VKORC1L1: variants seen among roughly 807,000 people sequenced by gnomAD.
VKORC1L1 encodes vitamin K epoxide reductase complex subunit 1L1.
A neutral mutation model predicts 18.9 loss-of-function variants in VKORC1L1; 2 were observed. That is an observed-to-expected ratio of 0.11 (90% CI 0.04 to 0.33). The LOEUF (loss-of-function observed/expected upper bound fraction) is 0.33. Among genes scored for constraint, VKORC1L1 ranks in the 10% least tolerant of loss-of-function variants. The probability of loss-of-function intolerance (pLI) is 1.00; values close to 1 mark genes in which losing one functional copy is unlikely to be tolerated. For missense variants in VKORC1L1, 123 were observed against 224.1 expected (o/e 0.55, Z 2.88); for synonymous variants, 96 against 100.0 (o/e 0.96, Z 0.24).
upstream of VKORC1L1, among the ~76,000 whole-genome samples, chr7:65,871,885 T>C (rs575267312): frequency 3.9e-5 from 6 of 152,158 alleles, 1 homozygote; most frequent in Admixed American, 3.9e-4. Flanking sequence ...GAAAAAAAAG[T>C]TTATTGTTTA....
chr7:65,942,483 C>G (rs1281438686), intron 1 of VKORC1L1, among the ~76,000 whole-genome samples: 1 of 132,862 alleles, frequency 7.5e-6, no homozygotes, highest in Admixed American at 7.9e-5. Flanking sequence ...CAGAGCGAGA[C>G]TCCATCTCAA....
At chr7:65,892,584 G>C (rs534568196) in intron 1 of VKORC1L1, among the ~76,000 whole-genome samples, 3 of 152,264 alleles carry the variant, frequency 2.0e-5, no homozygotes, top group African/African-American at 7.2e-5. Flanking sequence ...CTGGTGTGAA[G>C]ATAATCTACA....
intron 1 of VKORC1L1, among the ~76,000 whole-genome samples, chr7:65,921,358 TC>T (rs1374440282): frequency 6.6e-6 from 1 of 152,120 alleles, no homozygotes; most frequent in Non-Finnish European, 1.5e-5. Flanking sequence ...TTATTCCATT[TC>T]CCCCCACTGT....
chr7:65,940,227 G>T (rs1325996091), intron 1 of VKORC1L1, among the ~76,000 whole-genome samples: 1 of 152,010 alleles, frequency 6.6e-6, no homozygotes, highest in Non-Finnish European at 1.5e-5. Context: ...GTCTCACCAT[G>T]TTGCCCAGGC....
At chr7:65,877,457 C>T (rs1017500328) in intron 1 of VKORC1L1, among the ~76,000 whole-genome samples, 1 of 152,000 alleles carries the variant, frequency 6.6e-6, no homozygotes, top group Non-Finnish European at 1.5e-5. Flanking sequence ...AAGCGATTCT[C>T]CTACCTCAGC....
chr7:65,892,715 T>A (rs1789128596), intron 1 of VKORC1L1, among the ~76,000 whole-genome samples: 1 of 152,212 alleles, frequency 6.6e-6, no homozygotes, highest in Non-Finnish European at 1.5e-5. Flanking sequence ...ATGATGATGA[T>A]GTTTAGTTCC....
intron 1 of VKORC1L1, among the ~76,000 whole-genome samples, chr7:65,931,572 T>A (rs1326292342): frequency 6.6e-6 from 1 of 152,196 alleles, no homozygotes; most frequent in African/African-American, 2.4e-5. Context: ...CTGATATTAA[T>A]ACTTTGTATC....
At position 65,959,484 on chromosome 7, in the gene VKORC1L1, C is replaced by G. The variant is rs1790362264; in HGVS notation, c.*5184C>G. ...AGTTGATAAAAAAAATACAGAAGCT[C>G]TAGATTCCTAATTGGAACTGACTAC... On this transcript the variant is annotated 3_prime_UTR_variant, in exon 3 of 3. Transcript: ENST00000360768. The G allele has an allele frequency of 6.6e-6, 1 of 152,244 alleles. No homozygotes were observed. The highest frequency in any genetic ancestry group is 2.4e-5 in the African/African-American group (1 of 41,464). 9.4% of individuals were successfully genotyped at this position (152,244 alleles called of 1,614,324 possible).
At chr7:65,889,833 T>C (rs1209665220) in intron 1 of VKORC1L1, among the ~76,000 whole-genome samples, 2 of 152,250 alleles carry the variant, frequency 1.3e-5, no homozygotes, top group Non-Finnish European at 2.9e-5. Flanking sequence ...ACTTGGCTGC[T>C]TTCACTCAGT....
At chr7:65,941,200 C>T (rs373359110) in intron 1 of VKORC1L1, among the ~76,000 whole-genome samples, 68 of 152,328 alleles carry the variant, frequency 4.5e-4, no homozygotes, top group African/African-American at 1.6e-3. Context: ...CTTGCAGCCT[C>T]AAACTCCTGG....
At chr7:65,940,230 G>T (rs1316451945) in intron 1 of VKORC1L1, among the ~76,000 whole-genome samples, 2 of 152,002 alleles carry the variant, frequency 1.3e-5, no homozygotes, top group Non-Finnish European at 2.9e-5. Flanking sequence ...TCACCATGTT[G>T]CCCAGGCTGG....
At chr7:65,884,452 C>T (rs1285079589) in intron 1 of VKORC1L1, among the ~76,000 whole-genome samples, 4 of 152,060 alleles carry the variant, frequency 2.6e-5, no homozygotes, top group African/African-American at 4.8e-5. Flanking sequence ...GCCTGGCCAA[C>T]GTGGTGAAAC....
intron 1 of VKORC1L1, among the ~76,000 whole-genome samples, chr7:65,904,962 A>G (rs2116401991): frequency 6.6e-6 from 1 of 152,148 alleles, no homozygotes; most frequent in East Asian, 1.9e-4. Context: ...CACATCGTAT[A>G]CATATTATGT....
At chr7:65,920,805 G>A (rs1400552008) in intron 1 of VKORC1L1, among the ~76,000 whole-genome samples, 1 of 151,120 alleles carries the variant, frequency 6.6e-6, no homozygotes, top group African/African-American at 2.4e-5. Context: ...AGGCCAGCCT[G>A]GGCAACATAG....
chr7:65,876,502 TAAAA>T (rs776287254), intron 1 of VKORC1L1, among the ~76,000 whole-genome samples: 2 of 137,104 alleles, frequency 1.5e-5, no homozygotes, highest in Non-Finnish European at 3.2e-5. Flanking sequence ...ACTCTGTCTT[TAAAA>T]AAAAAAAAAA....
At chr7:65,951,312 A>T (rs1191053392) in intron 2 of VKORC1L1, among the ~76,000 whole-genome samples, 2 of 152,236 alleles carry the variant, frequency 1.3e-5, no homozygotes, top group African/African-American at 4.8e-5. Flanking sequence ...ACAGTGGCTC[A>T]TGCCAATAAT....
chr7:65,917,577 A>G (rs1789609391), intron 1 of VKORC1L1, among the ~76,000 whole-genome samples: 1 of 148,322 alleles, frequency 6.7e-6, no homozygotes, highest in Admixed American at 6.9e-5. Context: ...ACATTTTATT[A>G]TGAAAATATG....
intron 1 of VKORC1L1, among the ~76,000 whole-genome samples, chr7:65,893,255 T>C (rs532579902): frequency 3.3e-5 from 5 of 152,304 alleles, no homozygotes; most frequent in Admixed American, 3.3e-4. Flanking sequence ...AAAACTTTCC[T>C]GTTTGGACCT....
intron 1 of VKORC1L1, among the ~76,000 whole-genome samples, chr7:65,945,451 A>T (rs1790104161): frequency 6.6e-6 from 1 of 151,942 alleles, no homozygotes. Flanking sequence ...CTCTACTAAA[A>T]ATACAAAAAA....
Sources: gnomAD v4.1 joint callset for allele counts (sites outside exome capture counted in the v4.1 genomes callset) on GRCh38, gnomAD v4.1.1 for gene constraint, MANE v1.5 for transcripts, NCBI Gene and HGNC (gene_info 2026-07-23, HGNC 2026-07-21) for gene names.